Variants in ACOT1 observed in about 807,000 individuals in gnomAD.
ACOT1 encodes acyl-coenzyme A thioesterase 1.
Under a neutral mutation model 15.7 loss-of-function variants are expected in ACOT1, and 8 were observed. That is an observed-to-expected ratio of 0.51 (90% CI 0.30 to 0.92). The LOEUF is 0.92. Among genes scored for constraint, ACOT1 ranks in the 40% least tolerant of loss-of-function variants. The probability of loss-of-function intolerance (pLI) is 0.06; values close to 1 mark genes in which losing one functional copy is unlikely to be tolerated. For missense variants in ACOT1, 151 were observed against 539.4 expected, an observed-to-expected ratio of 0.28 and a Z score of 7.13; for synonymous variants, 67 against 241.2, an observed-to-expected ratio of 0.28 and a Z score of 6.69.
Position 73,537,901 on chromosome 14 carries a change from T to C in ACOT1, c.457+23T>C. On this transcript the variant is annotated intron_variant, in intron 1 of 2. Coordinates refer to ENST00000311148, the MANE Select transcript of ACOT1 (RefSeq NM_001037161.2). ...CAGGTGACTCACCTCCGCTAATTGT[T>C]CCCCTCTGCCCATCCCTGTTCCTGC... is the stretch of plus-strand genomic sequence containing the variant. 2 of 1,173,870 alleles carry C rather than the reference T, an allele frequency of 1.7e-6. 1 individual carries two copies. Among genetic ancestry groups the C allele is most frequent in the Non-Finnish European group, 2.2e-6 (2 of 908,112 alleles). 72.7% of individuals were successfully genotyped at this position (1,173,870 alleles called of 1,614,324 possible).
At chr14:73,505,894 T>C in the ACOT1 span, among the ~76,000 whole-genome samples, 2 of 147,744 alleles carry the variant, frequency 1.4e-5, no homozygotes, top group East Asian at 2.0e-4. Context: ...ACGTTTCTTT[T>C]TTTTTTTTTT....
At chr14:73,527,787 G>A in the ACOT1 span, among the ~76,000 whole-genome samples, 1 of 151,588 alleles carries the variant, frequency 6.6e-6, no homozygotes, top group Non-Finnish European at 1.5e-5. Flanking sequence ...AGACCAGCCC[G>A]GCCAACATGG....
At chr14:73,496,510 A>G in the ACOT1 span, 2 of 753,390 alleles carry the variant, frequency 2.7e-6, no homozygotes, top group Admixed American at 4.5e-5. Flanking sequence ...TGGTGGGAAA[A>G]AGGGTATGTA....
the ACOT1 span, chr14:73,491,047 G>C: frequency 1.3e-6 from 2 of 1,587,232 alleles, no homozygotes; most frequent in East Asian, 2.3e-5. Flanking sequence ...GTGCAGGGCC[G>C]TTGAGGCGCG....
chr14:73,498,172 G>A, the ACOT1 span: 1 of 1,612,176 alleles, frequency 6.2e-7, no homozygotes, highest in South Asian at 1.1e-5. Flanking sequence ...CAGCATCGTG[G>A]TTCTCCAGGA....
At chr14:73,507,245 A>G in the ACOT1 span, among the ~76,000 whole-genome samples, 1 of 152,196 alleles carries the variant, frequency 6.6e-6, no homozygotes, top group African/African-American at 2.4e-5. Flanking sequence ...AGCAAATTCT[A>G]CATGTCAGAA....
At chr14:73,490,965 G>A in the ACOT1 span, 6 of 1,304,482 alleles carry the variant, frequency 4.6e-6, no homozygotes, top group Admixed American at 3.9e-5. Flanking sequence ...TTCAGGAACC[G>A]CTTTAGCTTC....
At chr14:73,516,697 A>G in the ACOT1 span, among the ~76,000 whole-genome samples, 1 of 152,092 alleles carries the variant, frequency 6.6e-6, no homozygotes, top group Non-Finnish European at 1.5e-5. Context: ...GGCCACCACA[A>G]CAGGATGTGA....
At chr14:73,524,550 G>A in the ACOT1 span, among the ~76,000 whole-genome samples, 4 of 150,600 alleles carry the variant, frequency 2.7e-5, no homozygotes, top group Admixed American at 6.7e-5. Context: ...AGGATTTTAC[G>A]TAGGGAAGAT....
chr14:73,529,133 C>T, the ACOT1 span: 1 of 152,032 alleles, frequency 6.6e-6, no homozygotes, highest in African/African-American at 2.4e-5. Flanking sequence ...GCGTGTGGAT[C>T]ATCTGAGGTT....
the ACOT1 span, chr14:73,491,698 G>C: frequency 1.3e-6 from 2 of 1,549,974 alleles, no homozygotes; most frequent in Non-Finnish European, 1.7e-6. Context: ...AGCGCGAGGC[G>C]GTGCTGGTGC....
the ACOT1 span, among the ~76,000 whole-genome samples, chr14:73,524,310 AATATAT>A: frequency 3.9e-3 from 215 of 54,766 alleles, no homozygotes; most frequent in Non-Finnish European, 6.0e-3. Flanking sequence ...AAAAAAAAAA[AATATAT>A]ATATATATAT....
At chr14:73,522,622 C>T in the ACOT1 span, 1 of 1,614,214 alleles carries the variant, frequency 6.2e-7, no homozygotes, top group Non-Finnish European at 8.5e-7. Context: ...GAGAAGGTGG[C>T]CGACCCAGCA....
At chr14:73,502,892 T>TA in the ACOT1 span, 4 of 1,607,290 alleles carry the variant, frequency 2.5e-6, no homozygotes, top group Non-Finnish European at 3.4e-6. Context: ...GACTGGGTCT[T>TA]ACCTGATTAT....
the ACOT1 span, among the ~76,000 whole-genome samples, chr14:73,528,471 G>C: frequency 1.3e-5 from 2 of 150,884 alleles, no homozygotes; most frequent in African/African-American, 4.9e-5. Flanking sequence ...GGGAACACAT[G>C]ATAGGTCTGT....
the ACOT1 span, chr14:73,500,877 G>A: frequency 3.0e-6 from 2 of 668,648 alleles, no homozygotes; most frequent in South Asian, 2.0e-5. Flanking sequence ...GTTTTACTGG[G>A]TACAGAGCTC....
the ACOT1 span, chr14:73,495,479 A>T: frequency 2.9e-6 from 3 of 1,043,142 alleles, no homozygotes; most frequent in Non-Finnish European, 1.4e-6. Context: ...TGATTGTAGG[A>T]GGCTGAGGAG....
chr14:73,491,461 G>A, the ACOT1 span: 1 of 1,472,406 alleles, frequency 6.8e-7, no homozygotes. Flanking sequence ...CCTCGGCCCT[G>A]CTGTGCACCG....
chr14:73,495,177 A>G, the ACOT1 span: 1 of 1,523,796 alleles, frequency 6.6e-7, no homozygotes, highest in African/African-American at 1.4e-5. Context: ...AGATCCTGGA[A>G]GAGGCTTATT....
Sources: gnomAD v4.1 joint callset for allele counts (sites outside exome capture counted in the v4.1 genomes callset) on GRCh38, gnomAD v4.1.1 for gene constraint, MANE v1.5 for transcripts, NCBI Gene and HGNC (gene_info 2026-07-23, HGNC 2026-07-21) for gene names.